Variants in HSPA9 observed in about 807,000 individuals in gnomAD.
HSPA9 encodes the protein heat shock protein family A (Hsp70) member 9.
HSPA9 carries 28 observed loss-of-function variants against 81.5 expected under a neutral mutation model. The ratio of observed to expected loss-of-function variants is 0.34; its 90% confidence interval spans 0.25 to 0.47. The LOEUF is 0.47. Among genes scored for constraint, HSPA9 ranks in the 20% least tolerant of loss-of-function variants. HSPA9 has a pLI of 1.00. For synonymous variants in HSPA9, 293 were observed against 290.4 expected (o/e 1.01, Z -0.09); for missense variants, 678 against 838.0 (o/e 0.81, Z 2.36).
intron 3 of HSPA9, among the ~76,000 whole-genome samples, chr5:138,571,812 TTGTGTGTGTGTG>T (rs10694028): frequency 6.8e-6 from 1 of 146,178 alleles, no homozygotes; most frequent in Non-Finnish European, 1.5e-5. Flanking sequence ...CCAACTAATT[TTGTGTGTGTGTG>T]TGTGTGTGTG....
At chr5:138,563,009 G>C (rs1327151822) in intron 9 of HSPA9, among the ~76,000 whole-genome samples, 1 of 152,192 alleles carries the variant, frequency 6.6e-6, no homozygotes, top group Non-Finnish European at 1.5e-5. Flanking sequence ...CTGAGAGTGA[G>C]TCCTTAACCA....
At chr5:138,572,660 T>TC (rs892666206) in intron 3 of HSPA9, among the ~76,000 whole-genome samples, 2 of 152,148 alleles carry the variant, frequency 1.3e-5, no homozygotes, top group South Asian at 2.1e-4. Flanking sequence ...ATACTTCCTT[T>TC]CCCCCCAATC....
chr5:138,561,319 CATATATAT>C (rs914694552), intron 10 of HSPA9, among the ~76,000 whole-genome samples: 19 of 151,676 alleles, frequency 1.3e-4, no homozygotes, highest in African/African-American at 4.4e-4. Context: ...TACATACATA[CATATATAT>C]ATATAAATTA....
intron 5 of HSPA9, among the ~76,000 whole-genome samples, chr5:138,568,704 C>G (rs1320175642): frequency 1.3e-5 from 2 of 151,892 alleles, no homozygotes; most frequent in African/African-American, 2.4e-5. Context: ...ACATTACCCC[C>G]TACTGGAAAA....
At chr5:138,559,102 A>AT (rs34616432) in intron 11 of HSPA9, 11,633 of 176,770 alleles carry the variant, frequency 0.066, 339 homozygotes, top group African/African-American at 0.12. Context: ...TCAGGAAATA[A>AT]TTTTTTTTTT....
Position 138,571,144 on chromosome 5 carries a change from A to G in HSPA9, c.229-3T>C. The G allele has an allele frequency of 6.2e-7, 1 of 1,613,246 alleles. No homozygotes were observed. Among genetic ancestry groups the G allele is most frequent in the Non-Finnish European group, 8.5e-7 (1 of 1,179,854 alleles). Reference sequence around the variant, plus strand: ...GCACCTTCGGCATTCTCCAGCACCTAAACTCCCAAAATGTGATAGAGAGTA... The same window carrying G: ...GCACCTTCGGCATTCTCCAGCACCTGAACTCCCAAAATGTGATAGAGAGTA... On this transcript the variant is annotated splice_region_variant and splice_polypyrimidine_tract_variant and intron_variant, in intron 3 of 16. Transcript: ENST00000297185.
In HSPA9 at chr5:138,567,101, C is replaced by A; in HGVS notation, c.779G>T (p.Gly260Val). 1 of 1,613,464 alleles carries A rather than the reference C, an allele frequency of 6.2e-7. No homozygotes were observed. Among genetic ancestry groups the A allele is most frequent in the Non-Finnish European group, 8.5e-7 (1 of 1,179,506 alleles). Residue 260 changes from glycine to valine, a missense_variant, in exon 8 of 17, where the codon GGA becomes GTA. Gly to Val is a moderately radical substitution (Grantham distance 109, BLOSUM62 -3). Coordinates refer to ENST00000297185, the MANE Select transcript of HSPA9 (RefSeq NM_004134.7). ...ATTTGTGGATTTCACCTCAAATACT[C>A]CTTTCTGAATTTCCAGGATAGAAAT... ...FDISILEIQKGVFEVKSTNGD... is the reference protein window; with the variant it reads ...FDISILEIQKVVFEVKSTNGD...
intron 9 of HSPA9, among the ~76,000 whole-genome samples, chr5:138,564,328 T>G (rs1166887256): frequency 1.3e-5 from 2 of 152,248 alleles, no homozygotes; most frequent in Admixed American, 1.3e-4. Context: ...GGTCTGGAAC[T>G]CCTGACCTCA....
Position 138,567,184 on chromosome 5 carries a change from AAAAAAG to A in HSPA9, c.717-27_717-22del, listed in dbSNP as rs375214650. On this transcript the variant is annotated intron_variant, in intron 7 of 16. Coordinates refer to ENST00000297185, the MANE Select transcript of HSPA9 (RefSeq NM_004134.7). The stretch of plus-strand genomic sequence containing the variant: ...CAATGCTGTAAATGATTTGTGAAAA[AAAAAAG>A]AAAAGAAATCCTTAAGAACAAAACC... 1.7e-4 allele frequency: 276 copies of A among 1,590,586 alleles called. 1 individual carries two copies. The African/African-American group carries it at 2.6e-3, about 15-fold the overall frequency.
rs1554141933 is a variant in HSPA9 at position 138,558,676 on chromosome 5, TC to T, written c.1411-20del. The T allele has an allele frequency of 1.4e-6, 2 of 1,473,936 alleles. No homozygotes were observed. The highest frequency in any genetic ancestry group is 1.9e-6 in the Non-Finnish European group (2 of 1,052,200). The allele number at this position is 1,473,936 out of a possible 1,614,324, so 91.3% of individuals were successfully genotyped here. A position where few individuals can be genotyped will look rare whatever the true frequency, so the allele number is the denominator to read the frequency against. On this transcript the variant is annotated intron_variant, in intron 11 of 16. Transcript: ENST00000297185. ...AGAATACCTAGGGAAGAAGAAACCCTCCTGGGTTGTCAATGTGATTAACCTA... is the reference window on the plus strand; with the variant it reads ...AGAATACCTAGGGAAGAAGAAACCCTCTGGGTTGTCAATGTGATTAACCTA...
intron 3 of HSPA9, among the ~76,000 whole-genome samples, chr5:138,571,960 CTTTTT>C (rs10694029): frequency 2.0e-5 from 2 of 100,456 alleles, no homozygotes; most frequent in Non-Finnish European, 1.8e-5. Flanking sequence ...CTGCGCCTGG[CTTTTT>C]TTTTTTTTTT....
intron 3 of HSPA9, among the ~76,000 whole-genome samples, chr5:138,572,327 G>A (rs1750923754): frequency 6.6e-6 from 1 of 152,128 alleles, no homozygotes; most frequent in Non-Finnish European, 1.5e-5. Flanking sequence ...TAACTTCCCA[G>A]AAAAGGATTT....
intron 11 of HSPA9, chr5:138,559,639 T>C (rs982025211): frequency 2.7e-5 from 14 of 516,818 alleles, no homozygotes; most frequent in African/African-American, 3.9e-5. Flanking sequence ...CTGATGTCCT[T>C]CTTATAATCA....
chr5:138,575,077 C>G (rs1751057845), intron 1 of HSPA9, 161 bp downstream of exon 1: 1 of 625,926 alleles, frequency 1.6e-6, no homozygotes, highest in South Asian at 2.0e-5. Context: ...TGGGCAAAAT[C>G]TTGACCCGGC....
intron 9 of HSPA9, among the ~76,000 whole-genome samples, chr5:138,563,408 C>T (rs1235244323): frequency 6.6e-6 from 1 of 152,196 alleles, no homozygotes; most frequent in Non-Finnish European, 1.5e-5. Flanking sequence ...ACTCTCAACC[C>T]TCTACAACCA....
At position 138,554,965 on chromosome 5, in the gene HSPA9, T is replaced by C. The variant is rs561130826; in HGVS notation, c.*1072A>G. ...TTATTTCTAGATGCAGTTTCTTTAA[T>C]GTAAGCCAATTCTGGTTATTTCTAC... On this transcript the variant is annotated 3_prime_UTR_variant, in exon 17 of 17. Transcript: ENST00000297185. 1 of 152,344 alleles carries C rather than the reference T, an allele frequency of 6.6e-6. No individual in the cohort carries two copies. Among genetic ancestry groups the C allele is most frequent in the South Asian group, 2.1e-4 (1 of 4,830 alleles). 9.4% of individuals were successfully genotyped at this position (152,344 alleles called of 1,614,324 possible).
intron 14 of HSPA9, 185 bp from the exon 15 acceptor site, chr5:138,557,051 ACAT>A: frequency 4.7e-6 from 3 of 643,934 alleles, no homozygotes; most frequent in Middle Eastern, 4.1e-4. Context: ...AGATTTTGTA[ACAT>A]CAGAATTGTG....
At position 138,556,448 on chromosome 5, in the gene HSPA9, G is replaced by T; in HGVS notation, c.1962+4C>A. ...AGAATCAAAATCCACTTCAGCCCTT[G>T]TACCTTTTTGTATGCCATTTCGAAC... On this transcript the variant is annotated splice_donor_region_variant and intron_variant, in intron 16 of 16. Coordinates refer to ENST00000297185, the MANE Select transcript of HSPA9 (RefSeq NM_004134.7). 1 of 1,613,030 alleles carries T rather than the reference G, an allele frequency of 6.2e-7. No homozygotes were observed. The highest frequency in any genetic ancestry group is 8.5e-7 in the Non-Finnish European group (1 of 1,179,896).
Position 138,568,980 on chromosome 5 carries a change from C to T in HSPA9, c.480G>A (p.Leu160=), listed in dbSNP as rs758173006. The part of the protein sequence containing the change: ...GDAWVEAHGK[L]YSPSQIGAFV... Reference sequence around the variant, plus strand: ...ATGCTCCAATCTGACTCGGAGAATACAATTTCCCATGAGCCTCAACCCAGG... The same window carrying T: ...ATGCTCCAATCTGACTCGGAGAATATAATTTCCCATGAGCCTCAACCCAGG... The change falls in exon 5 of 17, where the codon TTG becomes TTA. Residue 160 remains leucine (L), a synonymous_variant. Coordinates refer to ENST00000297185, the MANE Select transcript of HSPA9 (RefSeq NM_004134.7). The T allele has an allele frequency of 6.2e-7, 1 of 1,614,008 alleles. No individual in the cohort carries two copies.
Sources: gnomAD v4.1 joint callset for allele counts (sites outside exome capture counted in the v4.1 genomes callset) on GRCh38, gnomAD v4.1.1 for gene constraint, MANE v1.5 for transcripts, NCBI Gene and HGNC (gene_info 2026-07-23, HGNC 2026-07-21) for gene names.